The following CCDC187 variants were observed in gnomAD, a reference collection of about 807,000 sequenced individuals.
CCDC187 encodes the protein coiled-coil domain containing 187.
In CCDC187, 32 loss-of-function variants were observed where a neutral mutation model predicts 38.0. The observed-to-expected ratio is 0.84, with a 90% CI of 0.64 to 1.13. CCDC187 has a LOEUF of 1.13. Ranked by LOEUF, CCDC187 falls within the 50% of genes most tolerant of loss-of-function variation. The pLI is 0.00. For synonymous variants in CCDC187, 333 were observed against 347.9 expected (o/e 0.96, Z 0.48); for missense variants, 707 against 786.8 (o/e 0.90, Z 1.21).
At chr9:136,306,782 G>C (rs1461593386), upstream of CCDC187, 2 of 152,550 alleles carry the variant, frequency 1.3e-5, no homozygotes, top group East Asian at 1.9e-4. Context: ...GGAGGGGCTG[G>C]GATGAAAACC....
chr9:136,288,025 C>A (rs1468185525), intron 7 of CCDC187, among the ~76,000 whole-genome samples: 16 of 152,262 alleles, frequency 1.1e-4, no homozygotes, highest in African/African-American at 3.9e-4. Flanking sequence ...AAAAAAAGGA[C>A]AAGGACATGA....
rs963208736 is a variant in CCDC187, at chr9:136,295,317, C to T, written c.832+2397G>A. ...CGGCCCCTCCATTGCTGGCCACTCA[C>T]TTCCCCATTAGCCCGCCAGAGGGTC... is the stretch of plus-strand genomic sequence containing the variant. On this transcript the variant is annotated intron_variant, in intron 4 of 25. Coordinates refer to ENST00000638797, the MANE Select transcript of CCDC187 (RefSeq NM_001378188.1). Among the ~76,000 whole-genome samples, 64 of 152,320 alleles carry T rather than the reference C, an allele frequency of 4.2e-4. No individual in the cohort carries two copies. The East Asian group carries it at 0.012, about 29-fold the overall frequency.
chr9:136,295,345 G>A (rs1026170342), intron 4 of CCDC187, among the ~76,000 whole-genome samples: 1 of 152,162 alleles, frequency 6.6e-6, no homozygotes, highest in Admixed American at 6.5e-5. Flanking sequence ...AGAGGGTCCC[G>A]CTCGATAAAT....
Position 136,251,176 on chromosome 9 carries a change from C to T in CCDC187, c.*2418G>A, listed in dbSNP as rs1197109367. On this transcript the variant is annotated 3_prime_UTR_variant, in exon 26 of 26. Coordinates refer to ENST00000638797, the MANE Select transcript of CCDC187 (RefSeq NM_001378188.1). Reference sequence around the variant, plus strand: ...GCCAACACGCTGCTCATCAACTCCGCATTCAAGAAGAGACCCTCAGATTCA... The same window carrying T: ...GCCAACACGCTGCTCATCAACTCCGTATTCAAGAAGAGACCCTCAGATTCA... The T allele has an allele frequency of 2.7e-6, 1 of 372,494 alleles. No individual in the cohort carries two copies. Among genetic ancestry groups the T allele is most frequent in the Non-Finnish European group, 5.5e-6 (1 of 181,846 alleles). 23.1% of individuals were successfully genotyped at this position (372,494 alleles called of 1,614,324 possible).
At position 136,264,230 on chromosome 9, in the gene CCDC187, G is replaced by A. The variant is rs555749416; in HGVS notation, c.3736-432C>T. On this transcript the variant is annotated intron_variant, in intron 17 of 25. Transcript: ENST00000638797. The surrounding 1 kb of genome is among the most constrained non-coding windows in gnomAD (Gnocchi z 4.3). ...GGCCGGGCCGGGCCGTTGCACACTCGCCCTGGGAGACAGCAGCTTCACTGG... is the reference window on the plus strand; with the variant it reads ...GGCCGGGCCGGGCCGTTGCACACTCACCCTGGGAGACAGCAGCTTCACTGG... 5 of 152,566 alleles carry A rather than the reference G, an allele frequency of 3.3e-5. No individual in the cohort carries two copies. Among genetic ancestry groups the A allele is most frequent in the East Asian group, 1.9e-4 (1 of 5,186 alleles). 9.5% of individuals were successfully genotyped at this position (152,566 alleles called of 1,614,324 possible).
rs1831510904 is a variant in CCDC187 at position 136,295,374 on chromosome 9, T to A, written c.832+2340A>T. 5.9e-5 allele frequency among the ~76,000 whole-genome samples: 9 copies of A among 152,290 alleles called. No individual in the cohort carries two copies. In the South Asian group the frequency reaches 1.7e-3, roughly 28 times the overall value. On this transcript the variant is annotated intron_variant, in intron 4 of 25. Coordinates refer to ENST00000638797, the MANE Select transcript of CCDC187 (RefSeq NM_001378188.1). ...GATAAATGGGTCCTGATGGGCACAT[T>A]TTTTCTTCCGCTGAGCAGTTTAATG... is the stretch of plus-strand genomic sequence containing the variant.
At chr9:136,293,463 ACT>A (rs1564324554) in intron 4 of CCDC187, among the ~76,000 whole-genome samples, 38 of 28,944 alleles carry the variant, frequency 1.3e-3, no homozygotes, top group African/African-American at 4.9e-3. Context: ...TCACACTCAC[ACT>A]CACATGCTCA....
Position 136,257,952 on chromosome 9 carries a change from G to A in CCDC187, c.4366+980C>T, listed in dbSNP as rs1830633874. ...GCCTCAGGCTCCTCCTCTGCTGCGT[G>A]GGCATAACGAGTGAATCCACCTCCA... On this transcript the variant is annotated intron_variant, in intron 22 of 25. Transcript: ENST00000638797. The surrounding 1 kb of genome is among the most constrained non-coding windows in gnomAD (Gnocchi z 4.5). Among the ~76,000 whole-genome samples, 2 of 152,332 alleles carry A rather than the reference G, an allele frequency of 1.3e-5. No individual in the cohort carries two copies. Among genetic ancestry groups the A allele is most frequent in the East Asian group, 3.9e-4 (2 of 5,170 alleles).
chr9:136,280,349 G>A (rs1244320906), intron 10 of CCDC187, among the ~76,000 whole-genome samples: 4 of 152,238 alleles, frequency 2.6e-5, no homozygotes, highest in African/African-American at 9.6e-5. Flanking sequence ...GAAGGGGCAG[G>A]TGCATACCAG....
intron 9 of CCDC187, among the ~76,000 whole-genome samples, chr9:136,282,272 T>G (rs1192025022): frequency 3.9e-5 from 6 of 152,072 alleles, no homozygotes; most frequent in Non-Finnish European, 8.8e-5. Context: ...CAGGTACAAC[T>G]GGACCCACAC....
At chr9:136,298,234 G>A (rs1448928927) in intron 3 of CCDC187, among the ~76,000 whole-genome samples, 1 of 152,214 alleles carries the variant, frequency 6.6e-6, no homozygotes, top group Non-Finnish European at 1.5e-5. Flanking sequence ...ATGAATGACT[G>A]GACGGGCCAG....
intron 14 of CCDC187, among the ~76,000 whole-genome samples, chr9:136,272,705 G>GAAAA (rs77179967): frequency 7.6e-6 from 1 of 132,434 alleles, no homozygotes; most frequent in Non-Finnish European, 1.7e-5. Flanking sequence ...TCTGTCTCAA[G>GAAAA]AAAAAAAAAA....
chr9:136,291,579 G>A lies in CCDC187; in HGVS notation c.1034C>T (p.Ser345Phe), dbSNP rs1008977968. The A allele has an allele frequency of 2.5e-6, 1 of 398,664 alleles. No individual in the cohort carries two copies. The highest frequency in any genetic ancestry group is 4.4e-5 in the Admixed American group (1 of 22,730). 24.7% of individuals were successfully genotyped at this position (398,664 alleles called of 1,614,324 possible). A position where few individuals can be genotyped will look rare whatever the true frequency, so the allele number is the denominator to read the frequency against. The change falls in exon 6 of 26, where the codon TCC (serine) becomes TTC (phenylalanine). Residue 345 changes from serine (S) to phenylalanine (F), a missense_variant. Ser to Phe is a radical substitution (Grantham distance 155, BLOSUM62 -2). Coordinates refer to ENST00000638797, the MANE Select transcript of CCDC187 (RefSeq NM_001378188.1). Reference protein sequence around the residue: ...PVCAQLPDATSAYSDQQVSGN... With the variant: ...PVCAQLPDATFAYSDQQVSGN... ...AGACACCTGCTGGTCACTGTAGGCG[G>A]AGGTGGCATCGGGCAACTGGGCACA...
Position 136,291,048 on chromosome 9 carries a change from T to G in CCDC187, c.1565A>C (p.Glu522Ala). 1 of 398,746 alleles carries G rather than the reference T, an allele frequency of 2.5e-6. No homozygotes were observed. The highest frequency in any genetic ancestry group is 4.4e-6 in the Non-Finnish European group (1 of 226,196). The allele number at this position is 398,746 out of a possible 1,614,324, so 24.7% of individuals were successfully genotyped here. ...CTGCTGGGGGAAGGGGCTCCGCTTTTCAGGGGGGCTCCCAGGCCTCTGGGA... is the reference window on the plus strand; with the variant it reads ...CTGCTGGGGGAAGGGGCTCCGCTTTGCAGGGGGGCTCCCAGGCCTCTGGGA... Reference protein sequence around the residue: ...PSSQRPGSPPEKRSPFPQQPW... With the variant: ...PSSQRPGSPPAKRSPFPQQPW... Residue 522 changes from glutamate (E) to alanine (A), a missense_variant, in exon 6 of 26, where the codon GAA becomes GCA. Transcript: ENST00000638797.
chr9:136,286,374 G>A lies in CCDC187; in HGVS notation c.2544C>T (p.Ala848=), dbSNP rs985830387. 8.0e-5 allele frequency: 32 copies of A among 398,650 alleles called. No homozygotes were observed. Among genetic ancestry groups the A allele is most frequent in the Middle Eastern group, 6.3e-4 (1 of 1,588 alleles). The allele number at this position is 398,650 out of a possible 1,614,324, so 24.7% of individuals were successfully genotyped here. A position where few individuals can be genotyped will look rare whatever the true frequency, so the allele number is the denominator to read the frequency against. The part of the protein sequence containing the change: ...VDSLTAKLQG[A]EALDTVRDPA... ...GGTCCCTGACGGTGTCCAGCGCTTCGGCACCCTGCAGCTTGGCGGTGAGGC... is the reference window on the plus strand; with the variant it reads ...GGTCCCTGACGGTGTCCAGCGCTTCAGCACCCTGCAGCTTGGCGGTGAGGC... The change falls in exon 8 of 26, where the codon GCC becomes GCT. Residue 848 remains alanine (A), a synonymous_variant. Coordinates refer to ENST00000638797, the MANE Select transcript of CCDC187 (RefSeq NM_001378188.1).
rs1013892484 is a variant in CCDC187 at position 136,301,201 on chromosome 9, G to A, written c.626-883C>T. On this transcript the variant is annotated intron_variant, in intron 2 of 25. Transcript: ENST00000638797. ...GGGTGCACCCCAAAGTATTCGCTCA[G>A]GCAGGTTGGGGGAGGAAGGTACATG... Among the ~76,000 whole-genome samples the A allele has an allele frequency of 1.5e-4, 23 of 152,322 alleles. No homozygotes were observed. The East Asian group carries it at 4.2e-3, about 28-fold the overall frequency.
In CCDC187 at chr9:136,290,965, T is replaced by C. The variant is rs1406720715; in HGVS notation, c.1648A>G (p.Thr550Ala). Residue 550 changes from threonine to alanine, a missense_variant, in exon 6 of 26, where the codon ACC becomes GCC. Thr to Ala is a moderately conservative substitution (Grantham distance 58, BLOSUM62 0). Coordinates refer to ENST00000638797, the MANE Select transcript of CCDC187 (RefSeq NM_001378188.1). ...AGTCTGGGGCCAGGGTCCTCCCAGG[T>C]TTCACAGGCAGTCCAGGCCCTCCGT... ...CPRRAWTACETWEDPGPRLRN... is the reference protein window; with the variant it reads ...CPRRAWTACEAWEDPGPRLRN... The C allele has an allele frequency of 2.5e-6, 1 of 398,592 alleles. No homozygotes were observed. Among genetic ancestry groups the C allele is most frequent in the Non-Finnish European group, 4.4e-6 (1 of 226,098 alleles). 24.7% of individuals were successfully genotyped at this position (398,592 alleles called of 1,614,324 possible).
At chr9:136,281,125 A>C (rs1285502771) in intron 10 of CCDC187, 2 of 300,852 alleles carry the variant, frequency 6.6e-6, no homozygotes, top group Admixed American at 5.1e-5. Context: ...CGAGGCCCTC[A>C]AGCCCAGGGC....
intron 19 of CCDC187, among the ~76,000 whole-genome samples, 152 bp from the exon 20 acceptor site, chr9:136,260,416 C>G (rs909276143): frequency 1.3e-5 from 2 of 150,874 alleles, no homozygotes; most frequent in African/African-American, 4.9e-5. Context: ...AAGCAGAAGA[C>G]GGGACTGTGA....
Sources: allele counts gnomAD v4.1 joint callset (sites outside exome capture counted in the v4.1 genomes callset), GRCh38; gene constraint gnomAD v4.1.1; non-coding constraint Gnocchi (gnomAD v3.1); transcripts MANE v1.5; gene names NCBI Gene and HGNC (gene_info 2026-07-23, HGNC 2026-07-21).